Variants in CPM observed in about 807,000 individuals in gnomAD.
The protein encoded by CPM is carboxypeptidase M, also known as renal carboxypeptidase.
CPM carries 35 observed loss-of-function variants against 46.4 expected under a neutral mutation model. The ratio of observed to expected loss-of-function variants is 0.75; its 90% confidence interval spans 0.58 to 1.00. The LOEUF (loss-of-function observed/expected upper bound fraction) is 1.00. Among genes scored for constraint, CPM ranks in the 50% least tolerant of loss-of-function variants. The pLI is 0.00. For synonymous variants in CPM, 195 were observed against 195.3 expected (o/e 1.00, Z 0.01); for missense variants, 422 against 530.4 (o/e 0.80, Z 2.01).
At chr12:68,936,357 T>C (rs1454702033), upstream of CPM, among the ~76,000 whole-genome samples, 1 of 152,096 alleles carries the variant, frequency 6.6e-6, no homozygotes, top group African/African-American at 2.4e-5. Flanking sequence ...AATACTGAAG[T>C]TTAGAGATTT....
chr12:68,871,400 C>G (rs926330384), intron 4 of CPM, among the ~76,000 whole-genome samples: 2 of 152,082 alleles, frequency 1.3e-5, no homozygotes, highest in East Asian at 1.9e-4. Context: ...ATCAGGGGAT[C>G]TAGTGTATGA....
At chr12:68,907,153 T>A (rs1828705629) in intron 2 of CPM, among the ~76,000 whole-genome samples, 1 of 152,216 alleles carries the variant, frequency 6.6e-6, no homozygotes, top group African/African-American at 2.4e-5. Context: ...TTAAAGAGGC[T>A]CCTTCTAGCA....
At chr12:68,915,592 A>G (rs1287449263) in intron 2 of CPM, among the ~76,000 whole-genome samples, 3 of 152,234 alleles carry the variant, frequency 2.0e-5, no homozygotes, top group Non-Finnish European at 2.9e-5. Context: ...GCATCCCTAC[A>G]CTGCACTGTT....
At chr12:68,876,919 T>TGAGA (rs934166312) in intron 3 of CPM, among the ~76,000 whole-genome samples, 14 of 66,020 alleles carry the variant, frequency 2.1e-4, no homozygotes, top group Admixed American at 1.4e-3. Flanking sequence ...TGTGTGTGTG[T>TGAGA]GAGAGAGAGA....
intron 2 of CPM, among the ~76,000 whole-genome samples, chr12:68,917,119 C>G (rs1565796081): frequency 1.3e-5 from 2 of 152,130 alleles, no homozygotes; most frequent in Non-Finnish European, 2.9e-5. Context: ...TCCCCTCCAG[C>G]CACACTGAAC....
At chr12:68,846,926 A>G (rs549264612), downstream of CPM, 5 of 151,718 alleles carry the variant, frequency 3.3e-5, no homozygotes, top group Admixed American at 1.3e-4. Context: ...CCACTCGACC[A>G]TAATCACCCC....
chr12:68,925,574 T>A (rs1254724456), intron 2 of CPM, among the ~76,000 whole-genome samples: 1 of 152,156 alleles, frequency 6.6e-6, no homozygotes, highest in Non-Finnish European at 1.5e-5. Context: ...AAATTAAAAA[T>A]CAAGTTTTAG....
chr12:68,942,870 A>G lies in CPM; in HGVS notation c.-3-10030T>C, dbSNP rs552559137. Among the ~76,000 whole-genome samples, 5 of 152,340 alleles carry G rather than the reference A, an allele frequency of 3.3e-5. No homozygotes were observed. The South Asian group carries it at 8.3e-4, about 25-fold the overall frequency. The stretch of plus-strand genomic sequence containing the variant: ...GGTGAAGCAAAATTAAAATGTAATC[A>G]GATCAAAGTTTGACACTCCAGTATG... On this transcript the variant is annotated intron_variant, in intron 1 of 8. Transcript: ENST00000546373.
chr12:68,959,176 C>G (rs1889072803), intron 1 of CPM, among the ~76,000 whole-genome samples: 1 of 152,124 alleles, frequency 6.6e-6, no homozygotes. Flanking sequence ...CCTGGTCATC[C>G]CGTTCAGTGT....
intron 2 of CPM, among the ~76,000 whole-genome samples, chr12:68,918,144 A>G (rs962582129): frequency 2.0e-5 from 3 of 152,058 alleles, no homozygotes; most frequent in Non-Finnish European, 4.4e-5. Context: ...CCCCTTTTTG[A>G]CATCTGTGAC....
At chr12:68,927,696 AGGTCTAAC>A (rs1177267193) in intron 2 of CPM, among the ~76,000 whole-genome samples, 64 of 152,252 alleles carry the variant, frequency 4.2e-4, no homozygotes, top group African/African-American at 1.4e-3. Context: ...TTATGGTTTT[AGGTCTAAC>A]GTTTAAGTCT....
chr12:68,959,554 A>C (rs541295013), intron 1 of CPM, among the ~76,000 whole-genome samples: 1 of 152,376 alleles, frequency 6.6e-6, no homozygotes, highest in Admixed American at 6.5e-5. Flanking sequence ...CATTATAATG[A>C]AAGTGTGAAA....
At chr12:68,862,212 G>A (rs147739181) in intron 7 of CPM, among the ~76,000 whole-genome samples, 5 of 139,310 alleles carry the variant, frequency 3.6e-5, no homozygotes, top group Non-Finnish European at 7.8e-5. Flanking sequence ...ACCCTCATTC[G>A]TCATCCCCTA....
Position 68,858,914 on chromosome 12 carries a change from C to T in CPM, c.1089+9G>A. The T allele has an allele frequency of 7.0e-7, 1 of 1,429,622 alleles. No individual in the cohort carries two copies. Among genetic ancestry groups the T allele is most frequent in the South Asian group, 1.6e-5 (1 of 60,956 alleles). 88.6% of individuals were successfully genotyped at this position (1,429,622 alleles called of 1,614,324 possible). ...ATTTTAATAACAATAACTAGCATTGCATACTTACATTTATTATATAAGACC... is the reference window on the plus strand; with the variant it reads ...ATTTTAATAACAATAACTAGCATTGTATACTTACATTTATTATATAAGACC... On this transcript the variant is annotated intron_variant, in intron 8 of 8. Transcript: ENST00000551568.
intron 2 of CPM, among the ~76,000 whole-genome samples, chr12:68,930,243 G>C (rs1054792792): frequency 6.6e-6 from 1 of 152,146 alleles, no homozygotes; most frequent in East Asian, 1.9e-4. Flanking sequence ...ACCATGTCTG[G>C]TTAATTTTTT....
intron 1 of CPM, among the ~76,000 whole-genome samples, chr12:68,958,856 A>C (rs1889067927): frequency 6.6e-6 from 1 of 152,142 alleles, no homozygotes; most frequent in Non-Finnish European, 1.5e-5. Context: ...TGTTATAGCC[A>C]CACGTGCCCT....
intron 2 of CPM, among the ~76,000 whole-genome samples, chr12:68,919,385 T>C (rs1013114537): frequency 3.9e-5 from 6 of 152,206 alleles, no homozygotes; most frequent in African/African-American, 1.4e-4. Flanking sequence ...TTTGCCTCCC[T>C]CACTAGCACA....
chr12:68,937,911 C>T (rs1042783995), upstream of CPM, among the ~76,000 whole-genome samples: 13 of 152,228 alleles, frequency 8.5e-5, no homozygotes, highest in East Asian at 1.9e-4. Context: ...ATGACTAATT[C>T]TGAATGAAAA....
intron 2 of CPM, among the ~76,000 whole-genome samples, chr12:68,921,786 C>A (rs1056290269): frequency 3.2e-4 from 48 of 151,984 alleles, no homozygotes; most frequent in African/African-American, 1.1e-3. Context: ...TCTTGAGGGA[C>A]TGAAGAACTT....
Sources: gnomAD v4.1 joint callset for allele counts (sites outside exome capture counted in the v4.1 genomes callset) on GRCh38, gnomAD v4.1.1 for gene constraint, MANE v1.5 for transcripts, NCBI Gene and HGNC (gene_info 2026-07-23, HGNC 2026-07-21) for gene names.